Variants in USP53 observed in about 807,000 individuals in gnomAD.
The protein encoded by USP53 is ubiquitin specific peptidase 53.
In USP53, 71 loss-of-function variants were observed where a neutral mutation model predicts 94.9. The observed-to-expected ratio is 0.75, with a 90% confidence interval of 0.62 to 0.91. The LOEUF (loss-of-function observed/expected upper bound fraction) is 0.91. Among genes scored for constraint, USP53 ranks in the 40% least tolerant of loss-of-function variants. The pLI is 0.00. For missense variants in USP53, 1,173 were observed against 1,281.0 expected, an observed-to-expected ratio of 0.92 and a Z score of 1.29; for synonymous variants, 375 against 422.7, an observed-to-expected ratio of 0.89 and a Z score of 1.39.
rs541709862 is a variant in USP53 at position 119,239,517 on chromosome 4, C to T, written c.-243C>T. ...ATTTAACACATATAAACATCTTTAA[C>T]GCCTTGTTTAAAATAGCTTTCTTTT... On this transcript the variant is annotated 5_prime_UTR_variant, in exon 5 of 19. It adds an upstream start codon to the 5' untranslated region. Transcript: ENST00000692078. The T allele has an allele frequency of 2.4e-5, 11 of 455,306 alleles. No homozygotes were observed. Among genetic ancestry groups the T allele is most frequent in the African/African-American group, 1.4e-4 (7 of 50,564 alleles). 28.2% of individuals were successfully genotyped at this position (455,306 alleles called of 1,614,324 possible). A position where few individuals can be genotyped will look rare whatever the true frequency, so the allele number is the denominator to read the frequency against.
chr4:119,229,313 C>T (rs781703874), intron 3 of USP53, among the ~76,000 whole-genome samples: 2 of 152,070 alleles, frequency 1.3e-5, no homozygotes, highest in African/African-American at 2.4e-5. Context: ...ACTCGCATGT[C>T]CTTTCTTTAC....
In USP53 at chr4:119,294,639, CTGAT is replaced by C. The variant is rs1259692702; in HGVS notation, c.*1431_*1434del. 1 of 152,042 alleles carries C rather than the reference CTGAT, an allele frequency of 6.6e-6. No individual in the cohort carries two copies. The highest frequency in any genetic ancestry group is 1.5e-5 in the Non-Finnish European group (1 of 67,956). 9.4% of individuals were successfully genotyped at this position (152,042 alleles called of 1,614,324 possible). A position where few individuals can be genotyped will look rare whatever the true frequency, so the allele number is the denominator to read the frequency against. On this transcript the variant is annotated 3_prime_UTR_variant, in exon 19 of 19. Transcript: ENST00000692078. ...TAAACTAGTAAATGTAGCCACTTGA[CTGAT>C]TGCGTAAATCGTGTTAAAACATTCT...
intron 17 of USP53, among the ~76,000 whole-genome samples, chr4:119,287,449 T>C (rs1210174009): frequency 1.3e-5 from 2 of 152,138 alleles, no homozygotes; most frequent in African/African-American, 4.8e-5. Flanking sequence ...TAATCAAATA[T>C]AGATTATTTT....
intron 6 of USP53, among the ~76,000 whole-genome samples, chr4:119,248,280 A>T (rs34616304): frequency 0.28 from 41,907 of 149,330 alleles, 5,707 homozygotes; most frequent in East Asian, 0.37. Context: ...TGAAATGCTC[A>T]GGACCAGCAG....
chr4:119,239,721 T>TTTTAGGCTAAA lies in USP53; in HGVS notation c.-39_-38insTTTAGGCTAAA. On this transcript the variant is annotated 5_prime_UTR_variant, in exon 5 of 19. Coordinates refer to ENST00000692078, the MANE Select transcript of USP53 (RefSeq NM_001371395.1). ...TTGTCCAAAATATTACATAAAAGTG[T>TTTTAGGCTAAA]ACAGTTTTTAGCCTAAATGCAAACA... 2 of 1,576,344 alleles carry TTTTAGGCTAAA rather than the reference T, an allele frequency of 1.3e-6. No homozygotes were observed. The highest frequency in any genetic ancestry group is 2.4e-5 in the South Asian group (2 of 84,650).
At chr4:119,261,002 C>T (rs1750449483) in intron 11 of USP53, among the ~76,000 whole-genome samples, 1 of 125,476 alleles carries the variant, frequency 8.0e-6, no homozygotes, top group African/African-American at 3.0e-5. Context: ...CTCTGTCACT[C>T]AGGCTGCAGT....
chr4:119,291,232 T>A lies in USP53; in HGVS notation c.2319T>A (p.His773Gln), dbSNP rs769726566. Residue 773 changes from histidine to glutamine, a missense_variant, in exon 18 of 19, where the codon CAT becomes CAA. His to Gln is a conservative substitution (Grantham distance 24). Transcript: ENST00000692078. ...CTCATGAATTCCACCCAGAATCACA[T>A]TTACAAATAAAAAATCATTTGATAA... is the stretch of plus-strand genomic sequence containing the variant. ...YKSHEFHPES[H>Q]LQIKNHLIKR... 7.4e-7 allele frequency: 1 copy of A among 1,352,402 alleles called. No individual in the cohort carries two copies. The highest frequency in any genetic ancestry group is 9.8e-7 in the Non-Finnish European group (1 of 1,020,382). The allele number at this position is 1,352,402 out of a possible 1,614,324, so 83.8% of individuals were successfully genotyped here. A position where few individuals can be genotyped will look rare whatever the true frequency, so the allele number is the denominator to read the frequency against.
intron 4 of USP53, among the ~76,000 whole-genome samples, chr4:119,236,179 G>A (rs1249348688): frequency 6.6e-6 from 1 of 152,180 alleles, no homozygotes; most frequent in Non-Finnish European, 1.5e-5. Flanking sequence ...GTTTCCCAGT[G>A]CATATAAAAG....
At chr4:119,243,960 ACTACATT>A (rs1747892074) in intron 5 of USP53, among the ~76,000 whole-genome samples, 1 of 152,226 alleles carries the variant, frequency 6.6e-6, no homozygotes, top group African/African-American at 2.4e-5. Flanking sequence ...AGAGGTAAGT[ACTACATT>A]TGTCTTTATT....
At chr4:119,260,681 C>G in intron 11 of USP53, 28 bp downstream of exon 11, 1 of 1,604,712 alleles carries the variant, frequency 6.2e-7, no homozygotes, top group Non-Finnish European at 8.5e-7. Flanking sequence ...ATTCCCTTCC[C>G]TTTTATTTTC....
chr4:119,279,413 GGGGGTCA>G (rs1177704209), intron 17 of USP53, among the ~76,000 whole-genome samples: 2 of 149,750 alleles, frequency 1.3e-5, no homozygotes, highest in African/African-American at 2.5e-5. Flanking sequence ...TAGGCTGCTC[GGGGGTCA>G]GGGGTCAGGG....
intron 3 of USP53, among the ~76,000 whole-genome samples, chr4:119,227,256 T>TACACACACACACACACACACACAC (rs3138727): frequency 0.019 from 2,356 of 124,958 alleles, 107 homozygotes; most frequent in Non-Finnish European, 0.02. Context: ...TGTCTAACAC[T>TACACACACACACACACACACACAC]ACACACACAC....
chr4:119,245,692 C>G (rs1483701477), intron 6 of USP53, among the ~76,000 whole-genome samples: 1 of 152,062 alleles, frequency 6.6e-6, no homozygotes, highest in Non-Finnish European at 1.5e-5. Flanking sequence ...TATTCTTATT[C>G]ATTTTAACAA....
intron 4 of USP53, among the ~76,000 whole-genome samples, chr4:119,236,809 A>G (rs1561218525): frequency 6.6e-6 from 1 of 152,182 alleles, no homozygotes; most frequent in Non-Finnish European, 1.5e-5. Flanking sequence ...TAAGTGTTGG[A>G]ATCATTAACC....
intron 7 of USP53, among the ~76,000 whole-genome samples, chr4:119,255,980 T>A (rs1297242320): frequency 6.6e-6 from 1 of 152,058 alleles, no homozygotes; most frequent in Non-Finnish European, 1.5e-5. Context: ...TCACCATGGG[T>A]TTTTAGAAGG....
chr4:119,215,545 C>T (rs146668859), intron 2 of USP53, among the ~76,000 whole-genome samples: 5 of 152,160 alleles, frequency 3.3e-5, no homozygotes, highest in Admixed American at 2.0e-4. Flanking sequence ...ACCAAAAGCC[C>T]ATGATTAGAA....
intron 17 of USP53, among the ~76,000 whole-genome samples, chr4:119,279,131 C>T (rs1290153765): frequency 1.3e-5 from 2 of 148,780 alleles, no homozygotes; most frequent in African/African-American, 2.5e-5. Flanking sequence ...CAGCTTTGTT[C>T]TGTTGCTGGT....
chr4:119,253,833 C>T (rs561735811), intron 7 of USP53, among the ~76,000 whole-genome samples: 2 of 152,278 alleles, frequency 1.3e-5, no homozygotes, highest in East Asian at 3.9e-4. Flanking sequence ...TTAAATTTGG[C>T]ATGTTTTTAC....
chr4:119,234,130 C>CTCCT (rs1746424395), intron 3 of USP53, among the ~76,000 whole-genome samples: 1 of 152,190 alleles, frequency 6.6e-6, no homozygotes, highest in Non-Finnish European at 1.5e-5. Context: ...ATATAATAAT[C>CTCCT]TCCTGTACTC....
Sources: gnomAD v4.1 joint callset for allele counts (sites outside exome capture counted in the v4.1 genomes callset) on GRCh38, gnomAD v4.1.1 for gene constraint, MANE v1.5 for transcripts, NCBI Gene and HGNC (gene_info 2026-07-23, HGNC 2026-07-21) for gene names.